Variants in ERBB4 observed in about 807,000 individuals in gnomAD.
ERBB4 encodes erb-b2 receptor tyrosine kinase 4, also known as receptor tyrosine-protein kinase erbB-4.
Under a neutral mutation model 158.0 loss-of-function variants are expected in ERBB4, and 42 were observed. The observed-to-expected ratio is 0.27, with a 90% CI of 0.21 to 0.34. The LOEUF (loss-of-function observed/expected upper bound fraction) is 0.34. Ranked by LOEUF, ERBB4 falls within the 10% of genes least tolerant of loss-of-function variation. The pLI, the probability that ERBB4 is intolerant of heterozygous loss-of-function variation, is 1.00. For synonymous variants in ERBB4, 583 were observed against 558.7 expected, an observed-to-expected ratio of 1.04 and a Z score of -0.61; for missense variants, 1,333 against 1,624.1, an observed-to-expected ratio of 0.82 and a Z score of 3.08.
At chr2:212,060,252 A>G (rs932552074) in intron 2 of ERBB4, among the ~76,000 whole-genome samples, 1 of 152,130 alleles carries the variant, frequency 6.6e-6, no homozygotes, top group Non-Finnish European at 1.5e-5. Flanking sequence ...AATCAAAACC[A>G]CAATGAGATA....
intron 3 of ERBB4, among the ~76,000 whole-genome samples, chr2:211,806,403 T>G (rs1291785049): frequency 1.3e-5 from 2 of 152,158 alleles, no homozygotes; most frequent in Non-Finnish European, 2.9e-5. Flanking sequence ...CATCACTAAA[T>G]TATGAGTATA....
intron 1 of ERBB4, among the ~76,000 whole-genome samples, chr2:212,447,371 C>G (rs1353299211): frequency 6.7e-6 from 1 of 150,076 alleles, no homozygotes; most frequent in Non-Finnish European, 1.5e-5. Context: ...CTTTGTCCTA[C>G]AAAAAGCTAT....
intron 1 of ERBB4, among the ~76,000 whole-genome samples, chr2:212,128,483 C>T (rs1395412769): frequency 6.6e-6 from 1 of 152,006 alleles, no homozygotes; most frequent in East Asian, 1.9e-4. Context: ...CATCTTGGAC[C>T]GTAAGAATGA....
chr2:211,967,709 T>C (rs1402708), intron 2 of ERBB4, among the ~76,000 whole-genome samples: 137,850 of 152,008 alleles, frequency 0.91, 63,421 homozygotes, highest in East Asian at 1. Context: ...CAAGCATCAA[T>C]GTGAAGGGTC....
rs563768552 is a variant in ERBB4 at position 212,236,511 on chromosome 2, C to T, written c.83-111608G>A. 1.6e-4 allele frequency among the ~76,000 whole-genome samples: 25 copies of T among 152,128 alleles called. No homozygotes were observed. The South Asian group carries it at 2.7e-3, about 16-fold the overall frequency. Reference sequence around the variant, plus strand: ...CAATCAGAGAGGAGTTCCTCTTTTTCGATTGTTTGGAATAATTTCAGAAGG... The same window carrying T: ...CAATCAGAGAGGAGTTCCTCTTTTTTGATTGTTTGGAATAATTTCAGAAGG... On this transcript the variant is annotated intron_variant, in intron 1 of 27. Coordinates refer to ENST00000342788, the MANE Select transcript of ERBB4 (RefSeq NM_005235.3).
At chr2:212,433,839 C>A (rs777124241) in intron 1 of ERBB4, among the ~76,000 whole-genome samples, 1 of 151,962 alleles carries the variant, frequency 6.6e-6, no homozygotes, top group Non-Finnish European at 1.5e-5. Flanking sequence ...ATATATTCTA[C>A]GCATGGCAGT....
intron 2 of ERBB4, among the ~76,000 whole-genome samples, chr2:212,048,002 G>A (rs1239163358): frequency 2.0e-5 from 3 of 152,250 alleles, no homozygotes; most frequent in African/African-American, 7.2e-5. Flanking sequence ...TTTATTGGGT[G>A]TTCATGAGAG....
At chr2:212,445,045 T>C (rs2092321464) in intron 1 of ERBB4, among the ~76,000 whole-genome samples, 1 of 152,028 alleles carries the variant, frequency 6.6e-6, no homozygotes, top group African/African-American at 2.4e-5. Context: ...GCACTCACTT[T>C]ATAGCTAAAG....
At chr2:212,124,935 C>T (rs754306833) in intron 1 of ERBB4, 32 bp from the exon 2 acceptor site, 3 of 1,612,494 alleles carry the variant, frequency 1.9e-6, no homozygotes, top group Non-Finnish European at 2.5e-6. Context: ...CGTGAAATTA[C>T]ATAACCTTTA....
At chr2:212,027,906 G>A (rs1016479557) in intron 2 of ERBB4, among the ~76,000 whole-genome samples, 16 of 151,896 alleles carry the variant, frequency 1.1e-4, no homozygotes, top group East Asian at 1.9e-4. Context: ...GGAGCAATCC[G>A]AATATAGTAT....
At chr2:211,993,570 A>G (rs1334787218) in intron 2 of ERBB4, among the ~76,000 whole-genome samples, 2 of 151,714 alleles carry the variant, frequency 1.3e-5, no homozygotes, top group Non-Finnish European at 2.9e-5. Context: ...GACTTCCCCA[A>G]ATTGCTATTT....
rs146165387 is a variant in ERBB4 at position 212,298,949 on chromosome 2, C to A, written c.83-174046G>T. ...AGTCTAATGTATTATATAGCAAGTT[C>A]TCTTTCATTGTGAAATACTTTACAT... On this transcript the variant is annotated intron_variant, in intron 1 of 27. Coordinates refer to ENST00000342788, the MANE Select transcript of ERBB4 (RefSeq NM_005235.3). 5.8e-3 allele frequency among the ~76,000 whole-genome samples: 875 copies of A among 151,772 alleles called. 4 individuals are homozygous for A. Among genetic ancestry groups the A allele is most frequent in the Middle Eastern group, 0.017 (5 of 294 alleles).
At chr2:212,483,909 T>C (rs1689843589) in intron 1 of ERBB4, among the ~76,000 whole-genome samples, 1 of 152,112 alleles carries the variant, frequency 6.6e-6, no homozygotes, top group African/African-American at 2.4e-5. Flanking sequence ...TCTAATTTTT[T>C]TAATTTTTAA....
At chr2:212,164,318 G>T (rs541826989) in intron 1 of ERBB4, among the ~76,000 whole-genome samples, 13 of 151,710 alleles carry the variant, frequency 8.6e-5, no homozygotes, top group African/African-American at 3.1e-4. Context: ...AAAATATAAA[G>T]TATCGAAAAC....
intron 1 of ERBB4, among the ~76,000 whole-genome samples, chr2:212,372,865 A>G (rs1242355576): frequency 6.6e-6 from 1 of 152,196 alleles, no homozygotes; most frequent in Non-Finnish European, 1.5e-5. Context: ...GCCATTGTTC[A>G]TGCTCATCCC....
At chr2:211,627,815 T>C (rs547137134) in intron 17 of ERBB4, among the ~76,000 whole-genome samples, 1 of 152,220 alleles carries the variant, frequency 6.6e-6, no homozygotes, top group African/African-American at 2.4e-5. Context: ...TCTTCTGTAA[T>C]TGTTTCTTCC....
intron 20 of ERBB4, among the ~76,000 whole-genome samples, chr2:211,534,287 G>A (rs1040794350): frequency 6.6e-6 from 1 of 152,082 alleles, no homozygotes; most frequent in Non-Finnish European, 1.5e-5. Flanking sequence ...TATTCAAAGG[G>A]ATAACAGATA....
At chr2:212,322,160 G>T (rs1042169037) in intron 1 of ERBB4, among the ~76,000 whole-genome samples, 1 of 150,318 alleles carries the variant, frequency 6.7e-6, no homozygotes, top group African/African-American at 2.4e-5. Flanking sequence ...TATAAAAATA[G>T]TTAGGCTTTT....
intron 20 of ERBB4, among the ~76,000 whole-genome samples, chr2:211,553,035 C>A (rs780273379): frequency 2.0e-5 from 3 of 151,202 alleles, no homozygotes; most frequent in Non-Finnish European, 4.4e-5. Context: ...GTGGCATGAT[C>A]TCGGCTCACT....
Sources: gnomAD v4.1 joint callset for allele counts (sites outside exome capture counted in the v4.1 genomes callset) on GRCh38, gnomAD v4.1.1 for gene constraint, MANE v1.5 for transcripts, NCBI Gene and HGNC (gene_info 2026-07-23, HGNC 2026-07-21) for gene names.